Variants in GFM1 observed in about 807,000 individuals in gnomAD.
GFM1 encodes the protein elongation factor G, mitochondrial.
In GFM1, 62 loss-of-function variants were observed where a neutral mutation model predicts 96.2. The observed-to-expected ratio is 0.64, with a 90% CI of 0.53 to 0.80. GFM1 has a LOEUF of 0.80. GFM1 is among the 30% of genes least tolerant of loss of function. GFM1 has a pLI of 0.00. For missense variants in GFM1, 852 were observed against 916.6 expected, an observed-to-expected ratio of 0.93 and a Z score of 0.91; for synonymous variants, 282 against 312.9, an observed-to-expected ratio of 0.90 and a Z score of 1.04.
At chr3:158,682,496 T>G (rs1333522476) in intron 14 of GFM1, 1 of 253,558 alleles carries the variant, frequency 3.9e-6, no homozygotes, top group Non-Finnish European at 7.8e-6. Flanking sequence ...AGCAGAATGA[T>G]CATTCTTTAG....
At position 158,665,388 on chromosome 3, in the gene GFM1, C is replaced by T. The variant is rs745730437; in HGVS notation, c.1432C>T (p.Pro478Ser). ...TATTGGCAGGTTTACAAGAGAAGAT[C>T]CCACATTTAAAGTATACTTTGACAC... is the stretch of plus-strand genomic sequence containing the variant. ...KGIGRFTRED[P>S]TFKVYFDTEN... The change falls in exon 12 of 18, where the codon CCC (proline) becomes TCC (serine). Residue 478 changes from proline (P) to serine (S), a missense_variant. Pro to Ser is a moderately conservative substitution (Grantham distance 74). Transcript: ENST00000486715. 1.2e-6 allele frequency: 2 copies of T among 1,609,322 alleles called. No individual in the cohort carries two copies. Among genetic ancestry groups the T allele is most frequent in the Non-Finnish European group, 1.7e-6 (2 of 1,176,282 alleles).
chr3:158,661,991 A>G (rs962004343), intron 10 of GFM1, among the ~76,000 whole-genome samples: 2 of 152,174 alleles, frequency 1.3e-5, no homozygotes, highest in African/African-American at 4.8e-5. Context: ...GCCTTCTCTA[A>G]GTACTGGTCA....
At chr3:158,665,211 T>A (rs1576754801) in intron 11 of GFM1, 126 bp from the exon 12 acceptor site, 2 of 718,844 alleles carry the variant, frequency 2.8e-6, no homozygotes, top group East Asian at 5.4e-5. Flanking sequence ...GGAGTAGAAC[T>A]AGATATGTAT....
At chr3:158,667,545 C>T (rs548134934) in intron 13 of GFM1, among the ~76,000 whole-genome samples, 5 of 152,240 alleles carry the variant, frequency 3.3e-5, no homozygotes, top group South Asian at 4.1e-4. Flanking sequence ...GAGCACTTTG[C>T]GGGGCTGAGG....
At chr3:158,683,597 A>T (rs189417464) in intron 14 of GFM1, among the ~76,000 whole-genome samples, 1 of 152,248 alleles carries the variant, frequency 6.6e-6, no homozygotes, top group African/African-American at 2.4e-5. Context: ...CAATGAGGCA[A>T]AGCAGTTAGA....
intron 5 of GFM1, chr3:158,649,793 A>G (rs1722143651): frequency 1.9e-6 from 1 of 527,336 alleles, no homozygotes. Context: ...AGACTTTGTT[A>G]AAAGACATAG....
chr3:158,672,288 G>A, intron 13 of GFM1: 2 of 1,595,974 alleles, frequency 1.3e-6, no homozygotes, highest in East Asian at 2.3e-5. Context: ...CTGAGACCGC[G>A]GGTGAGTGGA....
At chr3:158,672,674 G>C in intron 13 of GFM1, 1 of 560,116 alleles carries the variant, frequency 1.8e-6, no homozygotes. Context: ...GCATCCGAGA[G>C]CCCTGGGCTG....
At chr3:158,645,070 T>C (rs995277716) in intron 1 of GFM1, among the ~76,000 whole-genome samples, 1 of 151,844 alleles carries the variant, frequency 6.6e-6, no homozygotes, top group Admixed American at 6.6e-5. Flanking sequence ...ATATTGTATC[T>C]TCATTCCATC....
At chr3:158,690,401 A>G in intron 16 of GFM1, 78 bp downstream of exon 16, 1 of 1,361,594 alleles carries the variant, frequency 7.3e-7, no homozygotes, top group Non-Finnish European at 1.1e-6. Context: ...GTTTTTGCAA[A>G]TGGACACATT....
chr3:158,664,209 G>C (rs1306315362), intron 11 of GFM1, among the ~76,000 whole-genome samples: 1 of 152,214 alleles, frequency 6.6e-6, no homozygotes, highest in Non-Finnish European at 1.5e-5. Context: ...GGGCATGTTA[G>C]TTTTCTATTG....
In GFM1 at chr3:158,684,619, T is replaced by C; in HGVS notation, c.1860T>C (p.Asp620=). 6.2e-7 allele frequency: 1 copy of C among 1,614,130 alleles called. No homozygotes were observed. The change falls in exon 15 of 18, where the codon GAT becomes GAC. Residue 620 remains aspartate, a synonymous_variant. Transcript: ENST00000486715. The stretch of plus-strand genomic sequence containing the variant: ...AAGATGGAGCACACCACATGGTTGA[T>C]TCTAATGAAATCTCTTTCATCCGAG... The part of the protein sequence containing the change: ...VLQDGAHHMV[D]SNEISFIRAG...
At chr3:158,679,321 T>C (rs1725170487) in intron 13 of GFM1, among the ~76,000 whole-genome samples, 4 of 152,258 alleles carry the variant, frequency 2.6e-5, no homozygotes, top group Admixed American at 1.3e-4. Context: ...TTTATTGCGA[T>C]ATTAGCTTCA....
chr3:158,675,769 A>G (rs972412220), intron 13 of GFM1, among the ~76,000 whole-genome samples: 3 of 152,234 alleles, frequency 2.0e-5, no homozygotes, highest in East Asian at 3.8e-4. Flanking sequence ...AGGCCCTTAC[A>G]TAATGTTCAA....
chr3:158,694,435 T>C lies in GFM1; in HGVS notation c.*2968T>C, dbSNP rs1010056495. ...ACACACACTGGGGCCTATTGGAGGA[T>C]GGAGGGTGGGTGGAGGGAGAGGATC... On this transcript the variant is annotated 3_prime_UTR_variant, in exon 18 of 18. Coordinates refer to ENST00000486715, the MANE Select transcript of GFM1 (RefSeq NM_024996.7). Among the ~76,000 whole-genome samples the C allele has an allele frequency of 2.0e-5, 3 of 152,076 alleles. No homozygotes were observed. The highest frequency in any genetic ancestry group is 7.2e-5 in the African/African-American group (3 of 41,394).
At position 158,666,387 on chromosome 3, in the gene GFM1, G is replaced by GTGC; in HGVS notation, c.1601+2_1601+3insGCT. 3.1e-6 allele frequency: 5 copies of GTGC among 1,611,170 alleles called. No homozygotes were observed. The highest frequency in any genetic ancestry group is 4.2e-6 in the Non-Finnish European group (5 of 1,177,462). On this transcript the variant is annotated splice_donor_variant, in intron 13 of 17. Transcript: ENST00000486715. LOFTEE classifies it high-confidence loss of function. Reference sequence around the variant, plus strand: ...GAGAGACCATTACTGCCCCTGTCCCGTAAGTATGCAACGTAATTAAACATT... The same window carrying GTGC: ...GAGAGACCATTACTGCCCCTGTCCCGTGCTAAGTATGCAACGTAATTAAACATT...
chr3:158,647,347 C>G (rs1381322142), intron 4 of GFM1, among the ~76,000 whole-genome samples: 1 of 152,112 alleles, frequency 6.6e-6, no homozygotes, highest in Non-Finnish European at 1.5e-5. Context: ...AGTAGTTTGC[C>G]ATAGAGATGA....
Position 158,646,221 on chromosome 3 carries a change from A to G in GFM1, c.291A>G (p.Gln97=), listed in dbSNP as rs1299957534. The change falls in exon 3 of 18, where the codon CAA becomes CAG. Residue 97 remains glutamine, a synonymous_variant. Coordinates refer to ENST00000486715, the MANE Select transcript of GFM1 (RefSeq NM_024996.7). ...TGGATTCCATGGAACTAGAGAGACA[A>G]AGAGGAATCACTATTCAGTCAGCAG... ...AVMDSMELER[Q]RGITIQSAAT... 1.2e-6 allele frequency: 2 copies of G among 1,613,898 alleles called. No individual in the cohort carries two copies. Among genetic ancestry groups the G allele is most frequent in the East Asian group, 2.2e-5 (1 of 44,890 alleles).
Position 158,652,230 on chromosome 3 carries a change from C to T in GFM1, c.824C>T (p.Ser275Leu), listed in dbSNP as rs759365696. ...GEMFLEEKIP[S>L]ISDLKLAIRR... ...ATGTTTCTGGAAGAAAAAATCCCCT[C>T]GATTTCTGATTTAAAGGCAAGTGCT... The change falls in exon 6 of 18, where the codon TCG (serine) becomes TTG (leucine). Residue 275 changes from serine to leucine, a missense_variant. Transcript: ENST00000486715. The T allele has an allele frequency of 3.1e-6, 5 of 1,613,952 alleles. No individual in the cohort carries two copies. In the Admixed American group the frequency reaches 5.0e-5, roughly 16 times the overall value.
Sources: gnomAD v4.1 joint callset for allele counts (sites outside exome capture counted in the v4.1 genomes callset) on GRCh38, gnomAD v4.1.1 for gene constraint, MANE v1.5 for transcripts, NCBI Gene and HGNC (gene_info 2026-07-23, HGNC 2026-07-21) for gene names.